Variants in SUCLA2 observed in about 807,000 individuals in gnomAD.
SUCLA2 encodes the protein succinate-CoA ligase ADP-forming subunit beta, also known as succinate--CoA ligase [ADP-forming] subunit beta, mitochondrial.
In SUCLA2, 30 loss-of-function variants were observed where a neutral mutation model predicts 54.8. The observed-to-expected ratio is 0.55, with a 90% CI of 0.41 to 0.74. SUCLA2 has a LOEUF of 0.74. Ranked by LOEUF, SUCLA2 falls within the 30% of genes least tolerant of loss-of-function variation. The pLI is 0.00. For missense variants in SUCLA2, 476 were observed against 562.9 expected, an observed-to-expected ratio of 0.85 and a Z score of 1.56; for synonymous variants, 172 against 188.9, an observed-to-expected ratio of 0.91 and a Z score of 0.74.
chr13:47,954,038 T>C (rs1011453450), intron 8 of SUCLA2, 102 bp downstream of exon 8: 21 of 1,066,360 alleles, frequency 2.0e-5, no homozygotes, highest in Non-Finnish European at 2.3e-5. Context: ...TTAAAAGACA[T>C]ATATATGAAT....
chr13:47,977,695 A>G lies in SUCLA2; in HGVS notation c.535-4303T>C, dbSNP rs182451893. 7.9e-5 allele frequency among the ~76,000 whole-genome samples: 12 copies of G among 152,338 alleles called. No individual in the cohort carries two copies. The East Asian group carries it at 1.2e-3, about 15-fold the overall frequency. On this transcript the variant is annotated intron_variant, in intron 4 of 10. Transcript: ENST00000646932. The stretch of plus-strand genomic sequence containing the variant: ...ACCACAATAATCTCAATTGATACAT[A>G]AAAGGCATTTAACAAAATTGAATAC...
At chr13:47,959,950 G>C (rs1949855148) in intron 6 of SUCLA2, among the ~76,000 whole-genome samples, 1 of 152,122 alleles carries the variant, frequency 6.6e-6, no homozygotes, top group African/African-American at 2.4e-5. Flanking sequence ...GGATACTGCT[G>C]GAGTATTTAC....
At chr13:47,950,618 T>C (rs1303107817) in intron 8 of SUCLA2, among the ~76,000 whole-genome samples, 1 of 152,208 alleles carries the variant, frequency 6.6e-6, no homozygotes, top group East Asian at 1.9e-4. Context: ...ATGATAGTTC[T>C]GAATCAGTGT....
intron 10 of SUCLA2, among the ~76,000 whole-genome samples, chr13:47,944,478 A>G (rs1008644880): frequency 1.3e-5 from 2 of 151,082 alleles, no homozygotes; most frequent in African/African-American, 4.9e-5. Flanking sequence ...ATGTCCTCCA[A>G]GCTTTTCTTA....
intron 1 of SUCLA2, chr13:48,000,871 A>C (rs781211504): frequency 1.3e-4 from 157 of 1,206,692 alleles, no homozygotes; most frequent in Non-Finnish European, 1.6e-4. Flanking sequence ...GGCAGCAGAA[A>C]ATGTCCTGAC....
At chr13:47,993,929 G>C (rs947150089) in intron 2 of SUCLA2, among the ~76,000 whole-genome samples, 1 of 151,912 alleles carries the variant, frequency 6.6e-6, no homozygotes, top group Non-Finnish European at 1.5e-5. Flanking sequence ...AGCTACTCAG[G>C]AGGCTGAGGC....
chr13:47,952,774 T>G (rs945442632), intron 8 of SUCLA2, among the ~76,000 whole-genome samples: 3 of 152,184 alleles, frequency 2.0e-5, no homozygotes, highest in Non-Finnish European at 4.4e-5. Flanking sequence ...AATAGGGATC[T>G]TCACAAATGT....
At chr13:47,960,226 C>T (rs1421466092) in intron 6 of SUCLA2, among the ~76,000 whole-genome samples, 2 of 152,004 alleles carry the variant, frequency 1.3e-5, no homozygotes, top group Admixed American at 6.6e-5. Flanking sequence ...TATATAAAAC[C>T]GTAAACTTTT....
At chr13:47,969,439 TAA>T (rs1277110080) in intron 5 of SUCLA2, among the ~76,000 whole-genome samples, 3 of 152,208 alleles carry the variant, frequency 2.0e-5, no homozygotes, top group African/African-American at 7.2e-5. Flanking sequence ...AACTTTATAA[TAA>T]AAGAGTTTAC....
At chr13:47,982,266 C>T (rs577229216) in intron 4 of SUCLA2, among the ~76,000 whole-genome samples, 1 of 152,216 alleles carries the variant, frequency 6.6e-6, no homozygotes, top group African/African-American at 2.4e-5. Flanking sequence ...AGTACTCAGC[C>T]ATAAATAAGG....
intron 2 of SUCLA2, among the ~76,000 whole-genome samples, chr13:47,993,772 C>G (rs1379884237): frequency 1.3e-5 from 2 of 152,168 alleles, no homozygotes; most frequent in Non-Finnish European, 2.9e-5. Context: ...GTGGCTCACG[C>G]CTATTGTAAT....
At chr13:47,958,178 T>A (rs1279390627) in intron 6 of SUCLA2, among the ~76,000 whole-genome samples, 1 of 152,182 alleles carries the variant, frequency 6.6e-6, no homozygotes, top group South Asian at 2.1e-4. Flanking sequence ...CTGGGGAGGT[T>A]TGGCCTTTAG....
intron 2 of SUCLA2, among the ~76,000 whole-genome samples, chr13:47,989,210 TTTC>T (rs1950130865): frequency 4.1e-5 from 3 of 73,466 alleles, no homozygotes; most frequent in South Asian, 6.7e-4. Context: ...CATTAAACCA[TTTC>T]TTTTTTTTTT....
At chr13:47,975,951 A>ATCAG (rs1950008534) in intron 4 of SUCLA2, among the ~76,000 whole-genome samples, 1 of 152,200 alleles carries the variant, frequency 6.6e-6, no homozygotes, top group African/African-American at 2.4e-5. Context: ...CAATGATTCA[A>ATCAG]TCAGTGATAC....
intron 10 of SUCLA2, among the ~76,000 whole-genome samples, chr13:47,944,682 C>A (rs1317878795): frequency 9.9e-5 from 15 of 152,146 alleles, no homozygotes; most frequent in Non-Finnish European, 1.0e-4. Context: ...TTCCCTTGCT[C>A]AAATTCTTTA....
intron 6 of SUCLA2, among the ~76,000 whole-genome samples, chr13:47,959,564 AAGG>A (rs1566083612): frequency 6.7e-6 from 1 of 148,432 alleles, no homozygotes; most frequent in East Asian, 2.0e-4. Context: ...AGCCCAGGAG[AAGG>A]AGGAGGAGGA....
Position 47,943,249 on chromosome 13 carries a change from T to C in SUCLA2, c.*122A>G, listed in dbSNP as rs1949699954. On this transcript the variant is annotated 3_prime_UTR_variant, in exon 11 of 11. Coordinates refer to ENST00000646932, the MANE Select transcript of SUCLA2 (RefSeq NM_003850.3). Reference sequence around the variant, plus strand: ...CAGTCCAAATCCTTTTAAATGTTTGTGTGCCTAGATGGCAATTACAATCTC... The same window carrying C: ...CAGTCCAAATCCTTTTAAATGTTTGCGTGCCTAGATGGCAATTACAATCTC... 1.1e-6 allele frequency: 1 copy of C among 949,112 alleles called. No homozygotes were observed. Among genetic ancestry groups the C allele is most frequent in the Admixed American group, 1.7e-5 (1 of 58,424 alleles). 58.8% of individuals were successfully genotyped at this position (949,112 alleles called of 1,614,324 possible).
intron 4 of SUCLA2, among the ~76,000 whole-genome samples, chr13:47,987,480 T>A (rs1406729299): frequency 6.6e-6 from 1 of 152,138 alleles, no homozygotes; most frequent in African/African-American, 2.4e-5. Flanking sequence ...ATGGGATTTT[T>A]AAAATAACTT....
intron 6 of SUCLA2, among the ~76,000 whole-genome samples, chr13:47,958,203 C>A (rs9562787): frequency 0.73 from 110,862 of 151,990 alleles, 41,392 homozygotes; most frequent in Non-Finnish European, 0.82. Context: ...TCAAACTGCC[C>A]TGAAAACTGC....
Sources: allele counts gnomAD v4.1 joint callset (sites outside exome capture counted in the v4.1 genomes callset), GRCh38; gene constraint gnomAD v4.1.1; transcripts MANE v1.5; gene names NCBI Gene and HGNC (gene_info 2026-07-23, HGNC 2026-07-21).